AP3S2: variants seen among roughly 807,000 people sequenced by gnomAD.
AP3S2 encodes the protein AP-3 complex subunit sigma-2.
A neutral mutation model predicts 23.4 loss-of-function variants in AP3S2; 22 were observed. The observed-to-expected ratio is 0.94, with a 90% CI of 0.67 to 1.34. AP3S2 has a LOEUF of 1.34. Ranked by LOEUF, AP3S2 falls within the 40% of genes most tolerant of loss-of-function variation. AP3S2 has a pLI of 0.00. For synonymous variants in AP3S2, 86 were observed against 87.1 expected, an observed-to-expected ratio of 0.99 and a Z score of 0.07; for missense variants, 241 against 236.9, an observed-to-expected ratio of 1.02 and a Z score of -0.11.
intron 4 of AP3S2, among the ~76,000 whole-genome samples, chr15:89,839,729 T>G (rs1407449162): frequency 5.9e-5 from 9 of 152,226 alleles, no homozygotes; most frequent in Non-Finnish European, 1.2e-4. Flanking sequence ...ATAGCAGTAT[T>G]ATTCACAACA....
At chr15:89,888,829 C>T (rs1047948779) in intron 2 of AP3S2, among the ~76,000 whole-genome samples, 197 bp from the exon 3 acceptor site, 1 of 152,208 alleles carries the variant, frequency 6.6e-6, no homozygotes, top group Admixed American at 6.5e-5. Context: ...CTTCTCCTGC[C>T]TATCCTCCCG....
rs754675339 is a variant in AP3S2, at chr15:89,878,901, A to G, written c.274-7355T>C. Reference sequence around the variant, plus strand: ...AGCTGGGATTACAGACGTCCCGCACAATGGCCCAGCTAATTTTTGTACTTT... The same window carrying G: ...AGCTGGGATTACAGACGTCCCGCACGATGGCCCAGCTAATTTTTGTACTTT... On this transcript the variant is annotated intron_variant, in intron 3 of 5. Transcript: ENST00000336418. Among the ~76,000 whole-genome samples, 6 of 152,226 alleles carry G rather than the reference A, an allele frequency of 3.9e-5. No homozygotes were observed. In the Middle Eastern group the frequency reaches 0.01, roughly 259 times the overall value.
At chr15:89,857,287 G>A (rs777249865) in intron 4 of AP3S2, among the ~76,000 whole-genome samples, 5 of 152,118 alleles carry the variant, frequency 3.3e-5, no homozygotes, top group Non-Finnish European at 7.4e-5. Flanking sequence ...TAGTTTATGA[G>A]CTTCTTACAG....
chr15:89,849,615 C>T (rs1019873079), intron 4 of AP3S2, among the ~76,000 whole-genome samples: 1 of 152,066 alleles, frequency 6.6e-6, no homozygotes, highest in African/African-American at 2.4e-5. Flanking sequence ...GATCTGCCCA[C>T]CTTGGCCTCC....
intron 4 of AP3S2, among the ~76,000 whole-genome samples, chr15:89,870,522 C>G (rs1896294272): frequency 2.0e-5 from 3 of 152,158 alleles, no homozygotes; most frequent in Non-Finnish European, 4.4e-5. Context: ...AATGCATTCA[C>G]TACATTAGCC....
chr15:89,851,252 T>C (rs1418225599), intron 4 of AP3S2, among the ~76,000 whole-genome samples: 2 of 152,064 alleles, frequency 1.3e-5, no homozygotes, highest in Non-Finnish European at 1.5e-5. Flanking sequence ...TAAAACTAAC[T>C]GGCAATTGGA....
At position 89,854,020 on chromosome 15, in the gene AP3S2, G is replaced by A. The variant is rs1166109798; in HGVS notation, c.346-16298C>T. On this transcript the variant is annotated intron_variant, in intron 4 of 5. Coordinates refer to ENST00000336418, the MANE Select transcript of AP3S2 (RefSeq NM_005829.5). ...GCCACCCCGTCCGGGAGGGACGTGG[G>A]GGGGGGGTCAGCCCCCCGCCCGGCC... Among the ~76,000 whole-genome samples the A allele has an allele frequency of 4.2e-4, 23 of 54,924 alleles. 7 individuals are homozygous for A. Among genetic ancestry groups the A allele is most frequent in the South Asian group, 2.4e-3 (4 of 1,700 alleles). The allele number at this position is 54,924 out of a possible 152,430, so 36.0% of individuals were successfully genotyped here.
intron 5 of AP3S2, among the ~76,000 whole-genome samples, chr15:89,836,660 C>G (rs1895199398): frequency 6.6e-6 from 1 of 152,130 alleles, no homozygotes; most frequent in African/African-American, 2.4e-5. Context: ...AATCATTTTT[C>G]CCCTATTGCC....
chr15:89,870,826 G>GT (rs1896301605), intron 4 of AP3S2, among the ~76,000 whole-genome samples: 1 of 152,188 alleles, frequency 6.6e-6, no homozygotes, highest in African/African-American at 2.4e-5. Flanking sequence ...ACAGCATGTG[G>GT]TAAGTTGAAT....
At position 89,833,474 on chromosome 15, in the gene AP3S2, C is replaced by G. The variant is rs558531172; in HGVS notation, c.*2041G>C. 6 of 152,200 alleles carry G rather than the reference C, an allele frequency of 3.9e-5. No individual in the cohort carries two copies. Among genetic ancestry groups the G allele is most frequent in the Non-Finnish European group, 5.9e-5 (4 of 68,042 alleles). The allele number at this position is 152,200 out of a possible 1,614,324, so 9.4% of individuals were successfully genotyped here. ...GGGAAGGTTACTGGAGCTGGGTCTA[C>G]TTTCGTCATCTGCAAAATGGGGATA... On this transcript the variant is annotated 3_prime_UTR_variant, in exon 6 of 6. Transcript: ENST00000336418.
rs1289557808 is a variant in AP3S2 at position 89,871,383 on chromosome 15, A to C, written c.345+92T>G. Reference sequence around the variant, plus strand: ...ATCTTAAGAGTAAAAAAAAACAAGAAACAATATGAAGATGTAGAGGTGGCT... The same window carrying C: ...ATCTTAAGAGTAAAAAAAAACAAGACACAATATGAAGATGTAGAGGTGGCT... On this transcript the variant is annotated intron_variant, in intron 4 of 5. Coordinates refer to ENST00000336418, the MANE Select transcript of AP3S2 (RefSeq NM_005829.5). 10 of 1,202,346 alleles carry C rather than the reference A, an allele frequency of 8.3e-6. No homozygotes were observed. In the South Asian group the frequency reaches 1.5e-4, roughly 18 times the overall value. The allele number at this position is 1,202,346 out of a possible 1,614,324, so 74.5% of individuals were successfully genotyped here. A position where few individuals can be genotyped will look rare whatever the true frequency, so the allele number is the denominator to read the frequency against.
At chr15:89,870,473 A>T (rs1052075000) in intron 4 of AP3S2, among the ~76,000 whole-genome samples, 20 of 152,184 alleles carry the variant, frequency 1.3e-4, no homozygotes, top group African/African-American at 4.8e-4. Flanking sequence ...ATGGTGAGAG[A>T]CAAAACTTTA....
intron 4 of AP3S2, among the ~76,000 whole-genome samples, chr15:89,851,830 G>C (rs1895663718): frequency 6.6e-6 from 1 of 150,532 alleles, no homozygotes. Flanking sequence ...GTTCTAGCAG[G>C]ACTTTTTCTT....
rs1473721009 is a variant in AP3S2, at chr15:89,868,744, C to T, written c.345+2731G>A. On this transcript the variant is annotated intron_variant, in intron 4 of 5. Transcript: ENST00000336418. ...GCCGCCCCGTCTGGGAGGTGAGGGG[C>T]GCCTCTGCCCGGCCGCCCCTACTGG... 1.2e-4 allele frequency among the ~76,000 whole-genome samples: 14 copies of T among 116,238 alleles called. No individual in the cohort carries two copies. In the East Asian group the frequency reaches 1.4e-3, roughly 11 times the overall value. The allele number at this position is 116,238 out of a possible 152,430, so 76.3% of individuals were successfully genotyped here.
chr15:89,885,728 G>A (rs1896682761), intron 3 of AP3S2, among the ~76,000 whole-genome samples: 3 of 151,242 alleles, frequency 2.0e-5, no homozygotes. Context: ...GACTGCCTGA[G>A]CTGAGATGTT....
chr15:89,841,011 G>A (rs1895317942), intron 4 of AP3S2, among the ~76,000 whole-genome samples: 1 of 152,192 alleles, frequency 6.6e-6, no homozygotes, highest in African/African-American at 2.4e-5. Context: ...AACGCTCAGA[G>A]TAGGCATGCT....
rs185834961 is a variant in AP3S2, at chr15:89,859,639, C to T, written c.345+11836G>A. 1.1e-4 allele frequency among the ~76,000 whole-genome samples: 17 copies of T among 152,036 alleles called. 1 individual carries two copies. In the East Asian group the frequency reaches 3.3e-3, roughly 29 times the overall value. On this transcript the variant is annotated intron_variant, in intron 4 of 5. Transcript: ENST00000336418. The stretch of plus-strand genomic sequence containing the variant: ...CGAACTCCTGACCTCAGGTGAGCCA[C>T]CCGCCTTGACCTCCCAAAGTGCTAA...
chr15:89,843,112 G>A (rs931991414), intron 4 of AP3S2, among the ~76,000 whole-genome samples: 10 of 136,682 alleles, frequency 7.3e-5, no homozygotes, highest in African/African-American at 2.8e-4. Flanking sequence ...AGCCTCCTGA[G>A]TAGCTGGGAT....
At chr15:89,867,941 C>T (rs1180231653) in intron 4 of AP3S2, among the ~76,000 whole-genome samples, 5 of 147,958 alleles carry the variant, frequency 3.4e-5, no homozygotes, top group African/African-American at 1.2e-4. Flanking sequence ...AGCCCCCCAC[C>T]CGGCCAGCCG....
Sources: allele counts gnomAD v4.1 joint callset (sites outside exome capture counted in the v4.1 genomes callset), GRCh38; gene constraint gnomAD v4.1.1; transcripts MANE v1.5; gene names NCBI Gene and HGNC (gene_info 2026-07-23, HGNC 2026-07-21).